Variants in PARD3B observed in about 807,000 individuals in gnomAD.
PARD3B encodes par-3 family cell polarity regulator beta, also known as partitioning defective 3 homolog B.
PARD3B carries 103 observed loss-of-function variants against 130.2 expected under a neutral mutation model. The observed-to-expected ratio is 0.79, with a 90% CI of 0.67 to 0.93. PARD3B has a LOEUF of 0.93. PARD3B is among the 40% of genes least tolerant of loss of function. The pLI is 0.00. For synonymous variants in PARD3B, 583 were observed against 553.2 expected, an observed-to-expected ratio of 1.05 and a Z score of -0.76; for missense variants, 1,609 against 1,499.2, an observed-to-expected ratio of 1.07 and a Z score of -1.21.
Position 205,396,830 on chromosome 2 carries a change from G to A in PARD3B, c.2631-4183G>A, listed in dbSNP as rs76332261. Reference sequence around the variant, plus strand: ...ATTTGAAACTCTAGAATATAAAGTAGTAATTTTAGCCATTCAGGGTTCGTG... The same window carrying A: ...ATTTGAAACTCTAGAATATAAAGTAATAATTTTAGCCATTCAGGGTTCGTG... On this transcript the variant is annotated intron_variant, in intron 18 of 22. Coordinates refer to ENST00000406610, the MANE Select transcript of PARD3B (RefSeq NM_001302769.2). Among the ~76,000 whole-genome samples the A allele has an allele frequency of 6.1e-3, 925 of 152,288 alleles. 14 individuals are homozygous for A. Among genetic ancestry groups the A allele is most frequent in the African/African-American group, 0.021 (872 of 41,548 alleles).
intron 18 of PARD3B, among the ~76,000 whole-genome samples, chr2:205,339,806 G>A (rs975367813): frequency 3.9e-5 from 6 of 152,048 alleles, no homozygotes; most frequent in Admixed American, 6.6e-5. Context: ...TTTATATAGA[G>A]AATAACTGAA....
chr2:205,046,521 C>T (rs1192807931), intron 3 of PARD3B, among the ~76,000 whole-genome samples: 8 of 143,514 alleles, frequency 5.6e-5, no homozygotes, highest in Non-Finnish European at 1.2e-4. Context: ...TCTATCTGGA[C>T]AAAGATAAAA....
chr2:205,103,607 G>A (rs983636424), intron 4 of PARD3B: 171 of 628,472 alleles, frequency 2.7e-4, no homozygotes, highest in Non-Finnish European at 3.1e-4. Context: ...TGATGAAACC[G>A]GAGTCCACGT....
At chr2:205,406,730 G>A (rs1175247282) in intron 19 of PARD3B, among the ~76,000 whole-genome samples, 1 of 143,848 alleles carries the variant, frequency 7.0e-6, no homozygotes, top group African/African-American at 2.6e-5. Flanking sequence ...GAGTGCAGTG[G>A]CATGATCTCG....
intron 22 of PARD3B, among the ~76,000 whole-genome samples, 166 bp downstream of exon 22, chr2:205,553,569 T>A (rs967865334): frequency 1.3e-5 from 2 of 152,220 alleles, no homozygotes; most frequent in African/African-American, 4.8e-5. Flanking sequence ...GTGCTAATAA[T>A]TGAAACACTT....
intron 2 of PARD3B, among the ~76,000 whole-genome samples, chr2:204,929,892 A>G (rs796307340): frequency 6.6e-6 from 1 of 152,090 alleles, no homozygotes. Context: ...GCAGGAAGAT[A>G]CTAACCTTTA....
At position 205,116,074 on chromosome 2, in the gene PARD3B, G is replaced by A. The variant is rs924011122; in HGVS notation, c.680+2497G>A. On this transcript the variant is annotated intron_variant, in intron 6 of 22. Coordinates refer to ENST00000406610, the MANE Select transcript of PARD3B (RefSeq NM_001302769.2). This position sits in a 1 kb window ranked among gnomAD's most constrained non-coding sequence, Gnocchi z 4.5. ...CTCAATGAATTCATTAGATACCATC[G>A]CAGAGGGGTGCTGAATGCTGCTTGT... is the stretch of plus-strand genomic sequence containing the variant. 7.2e-5 allele frequency among the ~76,000 whole-genome samples: 11 copies of A among 151,950 alleles called. No homozygotes were observed. Among genetic ancestry groups the A allele is most frequent in the East Asian group, 3.9e-4 (2 of 5,168 alleles).
intron 3 of PARD3B, among the ~76,000 whole-genome samples, chr2:204,986,434 A>C (rs1693164693): frequency 6.6e-6 from 1 of 152,236 alleles, no homozygotes; most frequent in Non-Finnish European, 1.5e-5. Context: ...ATTTGTAATA[A>C]TCAGTACTTT....
intron 2 of PARD3B, among the ~76,000 whole-genome samples, chr2:204,687,282 A>G (rs1037988041): frequency 2.0e-5 from 3 of 152,104 alleles, no homozygotes; most frequent in African/African-American, 4.8e-5. Flanking sequence ...TTTACTTTTC[A>G]TATTTTATTT....
At chr2:204,786,850 C>A (rs1317718383) in intron 2 of PARD3B, among the ~76,000 whole-genome samples, 1 of 151,736 alleles carries the variant, frequency 6.6e-6, no homozygotes, top group Non-Finnish European at 1.5e-5. Context: ...AAATCACAAG[C>A]ATTTCGCTCT....
In PARD3B at chr2:204,563,913, A is replaced by G. The variant is rs372203971; in HGVS notation, c.120+17794A>G. Among the ~76,000 whole-genome samples the G allele has an allele frequency of 1.3e-4, 20 of 152,206 alleles. No homozygotes were observed. In the South Asian group the frequency reaches 4.1e-3, roughly 32 times the overall value. On this transcript the variant is annotated intron_variant, in intron 1 of 22. Transcript: ENST00000406610. ...CTCAGCCTCCCGAGTAGCTGGGACT[A>G]CAGGCACCCGCCACCATGCCCGGCT... is the stretch of plus-strand genomic sequence containing the variant.
intron 2 of PARD3B, among the ~76,000 whole-genome samples, chr2:204,711,687 A>G (rs1394654778): frequency 2.0e-5 from 3 of 152,076 alleles, no homozygotes; most frequent in Non-Finnish European, 4.4e-5. Context: ...CTGGGACCAC[A>G]GGCATGCACC....
At chr2:205,379,306 G>A (rs2045211621) in intron 18 of PARD3B, among the ~76,000 whole-genome samples, 1 of 152,070 alleles carries the variant, frequency 6.6e-6, no homozygotes. Flanking sequence ...AATATTGACA[G>A]GCAGACAGGT....
At chr2:204,914,157 A>C (rs1205768055) in intron 2 of PARD3B, among the ~76,000 whole-genome samples, 1 of 152,118 alleles carries the variant, frequency 6.6e-6, no homozygotes, top group African/African-American at 2.4e-5. Context: ...GCCTCTCCTG[A>C]TCCGGGATGG....
intron 2 of PARD3B, among the ~76,000 whole-genome samples, chr2:204,701,643 C>T (rs563599255): frequency 1.5e-3 from 232 of 152,086 alleles, no homozygotes; most frequent in Admixed American, 3.5e-3. Flanking sequence ...TTTATTAATG[C>T]CGTAGAATTC....
intron 2 of PARD3B, among the ~76,000 whole-genome samples, chr2:204,862,935 G>T (rs1010161633): frequency 6.6e-6 from 1 of 152,116 alleles, no homozygotes; most frequent in African/African-American, 2.4e-5. Flanking sequence ...CACCACCCAG[G>T]AACTGAAGAA....
intron 21 of PARD3B, among the ~76,000 whole-genome samples, chr2:205,535,193 A>C (rs1157504705): frequency 6.6e-6 from 1 of 152,174 alleles, no homozygotes; most frequent in Non-Finnish European, 1.5e-5. Context: ...TGGAAAGAGG[A>C]AGTAACAACA....
chr2:205,596,778 G>A (rs2054587061), intron 22 of PARD3B, among the ~76,000 whole-genome samples: 1 of 152,026 alleles, frequency 6.6e-6, no homozygotes, highest in Non-Finnish European at 1.5e-5. Flanking sequence ...TGGCACTCTG[G>A]GACCAAGCTA....
chr2:205,308,971 C>A (rs2105926835), intron 18 of PARD3B, among the ~76,000 whole-genome samples: 1 of 152,356 alleles, frequency 6.6e-6, no homozygotes, highest in African/African-American at 2.4e-5. Context: ...AGAGTGCACA[C>A]TGCACACAGC....
Sources: allele counts gnomAD v4.1 joint callset (sites outside exome capture counted in the v4.1 genomes callset), GRCh38; gene constraint gnomAD v4.1.1; non-coding constraint Gnocchi (gnomAD v3.1); transcripts MANE v1.5; gene names NCBI Gene and HGNC (gene_info 2026-07-23, HGNC 2026-07-21).